Variants in DMXL1 observed in about 807,000 individuals in gnomAD.
The protein encoded by DMXL1 is dmX-like protein 1.
Under a neutral mutation model 319.2 loss-of-function variants are expected in DMXL1, and 99 were observed. The ratio of observed to expected loss-of-function variants is 0.31; its 90% confidence interval spans 0.26 to 0.37. DMXL1 has a LOEUF of 0.37. Ranked by LOEUF, DMXL1 falls within the 10% of genes least tolerant of loss-of-function variation. DMXL1 has a pLI of 1.00. For synonymous variants in DMXL1, 1,385 were observed against 1,235.2 expected (o/e 1.12, Z -2.54); for missense variants, 3,745 against 3,595.6 (o/e 1.04, Z -1.06).
chr5:119,191,826 T>C (rs1191445013), intron 29 of DMXL1, among the ~76,000 whole-genome samples: 3 of 152,208 alleles, frequency 2.0e-5, no homozygotes, highest in African/African-American at 7.2e-5. Flanking sequence ...ACCACAGAGA[T>C]TGGGGTGGGA....
chr5:119,217,606 A>G (rs1173386636), intron 35 of DMXL1, among the ~76,000 whole-genome samples: 8 of 152,056 alleles, frequency 5.3e-5, no homozygotes, highest in Non-Finnish European at 7.4e-5. Context: ...TTTTCCTTCC[A>G]TTAACTTAAA....
chr5:119,116,111 T>C (rs774319253), intron 6 of DMXL1, 47 bp from the exon 7 acceptor site: 1 of 1,533,764 alleles, frequency 6.5e-7, no homozygotes, highest in South Asian at 1.2e-5. Flanking sequence ...GATTTAATCT[T>C]TAATTCTGAT....
At position 119,203,321 on chromosome 5, in the gene DMXL1, C is replaced by G. The variant is rs765195106; in HGVS notation, c.7748C>G (p.Ser2583Cys). The change falls in exon 33 of 44, where the codon TCC becomes TGC. Residue 2583 changes from serine (S) to cysteine (C), a missense_variant and splice_region_variant. Transcript: ENST00000539542. ...AAATTTGCTGTCTCTCTCTGTAGAT[C>G]CAAACACCATCTGGCACTGTCTGTG... ...LLEPTNTPFKSKHHLALSVKR... is the reference protein window; with the variant it reads ...LLEPTNTPFKCKHHLALSVKR... 1 of 1,569,268 alleles carries G rather than the reference C, an allele frequency of 6.4e-7. No homozygotes were observed. The highest frequency in any genetic ancestry group is 8.6e-7 in the Non-Finnish European group (1 of 1,162,528).
At position 119,129,344 on chromosome 5, in the gene DMXL1, A is replaced by C; in HGVS notation, c.1236A>C (p.Gln412His). ...FTLSMEVFLQ[Q>H]LRKSFEQPSS... ...TGTCCATGGAAGTTTTTTTACAGCA[A>C]CTTAGAAAAAGTTTTGAACAACCAT... Residue 412 changes from glutamine to histidine, a missense_variant, in exon 10 of 44, where the codon CAA (glutamine) becomes CAC (histidine). This residue lies in a region of DMXL1 where 2,096 missense variants were observed against 1,985.4 expected (regional missense o/e 1.06). Coordinates refer to ENST00000539542, the MANE Select transcript of DMXL1 (RefSeq NM_001290321.3). 1 of 1,613,952 alleles carries C rather than the reference A, an allele frequency of 6.2e-7. No individual in the cohort carries two copies. Among genetic ancestry groups the C allele is most frequent in the East Asian group, 2.2e-5 (1 of 44,808 alleles).
chr5:119,150,570 C>A (rs1412999776), intron 18 of DMXL1, 149 bp downstream of exon 18: 2 of 872,046 alleles, frequency 2.3e-6, no homozygotes, highest in African/African-American at 3.4e-5. Flanking sequence ...AGGAGGATCA[C>A]TTGAACCTAG....
rs370166343 is a variant in DMXL1, at chr5:119,221,005, A to G, written c.8201A>G (p.Tyr2734Cys). Residue 2734 changes from tyrosine to cysteine, a missense_variant, in exon 37 of 44, where the codon TAT becomes TGT. By Grantham distance (194) the Tyr-to-Cys change is radical. Transcript: ENST00000539542. ...DLTAVQGTTP[Y>C]THSNPGTPIN... ...ACAGCTGTTCAAGGTACAACTCCAT[A>G]TACACATAGCAATCCTGGCACTCCA... The G allele has an allele frequency of 6.8e-6, 11 of 1,613,818 alleles. No individual in the cohort carries two copies. The highest frequency in any genetic ancestry group is 1.7e-5 in the Admixed American group (1 of 60,004).
chr5:119,088,246 A>G (rs1023808286), intron 1 of DMXL1, among the ~76,000 whole-genome samples: 4 of 152,188 alleles, frequency 2.6e-5, no homozygotes, highest in South Asian at 2.1e-4. Context: ...AGCGTATTTT[A>G]TCTGATGTAA....
intron 1 of DMXL1, among the ~76,000 whole-genome samples, chr5:119,082,014 TATATATACACACAC>T (rs1380368516): frequency 2.7e-5 from 2 of 73,044 alleles, no homozygotes; most frequent in Non-Finnish European, 5.8e-5. Flanking sequence ...TATATATATA[TATATATACACACAC>T]ACACACACAC....
rs4895362 is a variant in DMXL1, at chr5:119,144,621, G to A, written c.2552G>A (p.Ser851Asn). 87,341 of 1,593,988 alleles carry A rather than the reference G, an allele frequency of 0.055. 2,856 individuals carry two copies. The highest frequency in any genetic ancestry group is 0.064 in the Non-Finnish European group (75,487 of 1,170,498). Residue 851 changes from serine (S) to asparagine (N), a missense_variant, in exon 15 of 44, where the codon AGC (serine) becomes AAC (asparagine). Physicochemically the swap from Ser to Asn is conservative, Grantham distance 46. Around this residue, in one of 4 missense-constraint regions of DMXL1, gnomAD observed 2,096 missense variants for 1,985.4 expected, o/e 1.06. Coordinates refer to ENST00000539542, the MANE Select transcript of DMXL1 (RefSeq NM_001290321.3). ...NLEKKSLGKD[S>N]ILSNAGSSPN... ...GAGAAGAAAAGCCTTGGCAAAGACAGCATTTTATCTAATGCAGGTAAGGAA... is the reference window on the plus strand; with the variant it reads ...GAGAAGAAAAGCCTTGGCAAAGACAACATTTTATCTAATGCAGGTAAGGAA...
intron 27 of DMXL1, among the ~76,000 whole-genome samples, 161 bp downstream of exon 27, chr5:119,177,645 C>T (rs1272263176): frequency 2.0e-5 from 3 of 152,142 alleles, no homozygotes; most frequent in Non-Finnish European, 2.9e-5. Context: ...AGTTACTTAA[C>T]ATTAGTATTC....
At chr5:119,189,927 A>C in intron 29 of DMXL1, 41 bp downstream of exon 29, 1 of 1,544,482 alleles carries the variant, frequency 6.5e-7, no homozygotes, top group Non-Finnish European at 8.9e-7. Flanking sequence ...TCATAGTCAA[A>C]TAGAAATGAG....
rs5870840 is a variant in DMXL1, at chr5:119,131,154, GTT to G, written c.1315+1743_1315+1744del. Among the ~76,000 whole-genome samples the G allele has an allele frequency of 1.5e-3, 215 of 143,004 alleles. 4 individuals are homozygous for G. In the East Asian group the frequency reaches 0.018, roughly 12 times the overall value. The allele number at this position is 143,004 out of a possible 152,430, so 93.8% of individuals were successfully genotyped here. A position where few individuals can be genotyped will look rare whatever the true frequency, so the allele number is the denominator to read the frequency against. On this transcript the variant is annotated intron_variant, in intron 10 of 43. Transcript: ENST00000539542. ...TACCCTTTATCTAATTTCCTGCTGA[GTT>G]TTTTTTTTTTTCTTATTGATTTGTA...
At chr5:119,095,896 T>C (rs1285968169) in intron 1 of DMXL1, among the ~76,000 whole-genome samples, 2 of 152,182 alleles carry the variant, frequency 1.3e-5, no homozygotes, top group Non-Finnish European at 2.9e-5. Flanking sequence ...GAATCATAAT[T>C]GATTATTCTT....
At chr5:119,169,207 T>C (rs1027702555) in intron 23 of DMXL1, among the ~76,000 whole-genome samples, 1 of 152,226 alleles carries the variant, frequency 6.6e-6, no homozygotes, top group Non-Finnish European at 1.5e-5. Context: ...TTAACACATA[T>C]TCATGTAAAA....
intron 1 of DMXL1, among the ~76,000 whole-genome samples, chr5:119,093,475 G>T (rs1390530989): frequency 6.6e-6 from 1 of 152,040 alleles, no homozygotes; most frequent in Non-Finnish European, 1.5e-5. Flanking sequence ...GATGATCAGT[G>T]ATCTTTGTTA....
Position 119,190,571 on chromosome 5 carries a change from CA to C in DMXL1, c.7314+689del, listed in dbSNP as rs1212513112. Among the ~76,000 whole-genome samples, 4 of 152,058 alleles carry C rather than the reference CA, an allele frequency of 2.6e-5. No individual in the cohort carries two copies. In the East Asian group the frequency reaches 7.7e-4, roughly 29 times the overall value. On this transcript the variant is annotated intron_variant, in intron 29 of 43. Transcript: ENST00000539542. The stretch of plus-strand genomic sequence containing the variant: ...GATAGTGTACAAAATTGGATTTGAT[CA>C]AAAGAGGGAAATGGCCAACTAAGAT...
chr5:119,092,889 C>A (rs1364964399), intron 1 of DMXL1, among the ~76,000 whole-genome samples: 2 of 152,132 alleles, frequency 1.3e-5, no homozygotes, highest in African/African-American at 2.4e-5. Context: ...TTTTGTTTAG[C>A]CATTGACAGT....
Position 119,178,122 on chromosome 5 carries a change from A to T in DMXL1, c.7013A>T (p.His2338Leu). The T allele has an allele frequency of 6.2e-7, 1 of 1,613,966 alleles. No individual in the cohort carries two copies. The highest frequency in any genetic ancestry group is 2.2e-5 in the East Asian group (1 of 44,872). ...LSLFIHGLAT[H>L]SSNELFRIVA... ...CTCTTCATCCATGGCCTGGCCACAC[A>T]TTCAAGTAATGAGCTATTTCGGATT... is the stretch of plus-strand genomic sequence containing the variant. The change falls in exon 28 of 44, where the codon CAT becomes CTT. Residue 2338 changes from histidine (H) to leucine (L), a missense_variant. His to Leu is a moderately conservative substitution (Grantham distance 99). Coordinates refer to ENST00000539542, the MANE Select transcript of DMXL1 (RefSeq NM_001290321.3).
chr5:119,098,535 A>G (rs1307428101), intron 2 of DMXL1, among the ~76,000 whole-genome samples: 3 of 152,196 alleles, frequency 2.0e-5, no homozygotes, highest in African/African-American at 7.2e-5. Context: ...TGGAAATGAA[A>G]AACTCTTTGA....
Sources: allele counts gnomAD v4.1 joint callset (sites outside exome capture counted in the v4.1 genomes callset), GRCh38; gene constraint gnomAD v4.1.1; regional missense constraint gnomAD v4.1.1; transcripts MANE v1.5; gene names NCBI Gene and HGNC (gene_info 2026-07-23, HGNC 2026-07-21).